The following ABAT variants were observed in gnomAD, a reference collection of about 807,000 sequenced individuals.
ABAT encodes the protein 4-aminobutyrate aminotransferase.
In ABAT, 45 loss-of-function variants were observed where a neutral mutation model predicts 64.6. That is an observed-to-expected ratio of 0.70 (90% CI 0.55 to 0.89). The LOEUF (loss-of-function observed/expected upper bound fraction) is 0.89. Among genes scored for constraint, ABAT ranks in the 40% least tolerant of loss-of-function variants. The pLI is 0.00. For missense variants in ABAT, 633 were observed against 658.4 expected (o/e 0.96, Z 0.42); for synonymous variants, 297 against 250.5 (o/e 1.19, Z -1.75).
At chr16:8,682,515 G>C (rs1293508615) in intron 1 of ABAT, among the ~76,000 whole-genome samples, 2 of 152,072 alleles carry the variant, frequency 1.3e-5, no homozygotes, top group African/African-American at 4.8e-5. Context: ...TGATGCCCCT[G>C]CCCACCAGAA....
At chr16:8,735,145 G>A (rs2058879141) in intron 1 of ABAT, among the ~76,000 whole-genome samples, 1 of 144,224 alleles carries the variant, frequency 6.9e-6, no homozygotes, top group African/African-American at 2.6e-5. Context: ...CTGCACTCCA[G>A]CCTGAGCGAT....
intron 1 of ABAT, among the ~76,000 whole-genome samples, chr16:8,725,355 C>T (rs2058519163): frequency 6.6e-6 from 1 of 152,198 alleles, no homozygotes; most frequent in Admixed American, 6.5e-5. Flanking sequence ...ACCCCCGTAC[C>T]CATTAAGCAG....
intron 5 of ABAT, among the ~76,000 whole-genome samples, chr16:8,754,592 C>G (rs1446302661): frequency 6.6e-6 from 1 of 152,098 alleles, no homozygotes; most frequent in East Asian, 1.9e-4. Context: ...CCATCTTGGT[C>G]CCAACAGATT....
intron 1 of ABAT, among the ~76,000 whole-genome samples, chr16:8,703,697 G>C (rs1483457630): frequency 1.3e-5 from 2 of 152,258 alleles, no homozygotes; most frequent in East Asian, 3.9e-4. Context: ...TTGAAATTGA[G>C]TGAAATGGAT....
chr16:8,734,771 G>C (rs562883175), intron 1 of ABAT, among the ~76,000 whole-genome samples: 1 of 152,152 alleles, frequency 6.6e-6, no homozygotes, highest in South Asian at 2.1e-4. Context: ...AACAAAACAG[G>C]TTTTTAGCAG....
Position 8,733,497 on chromosome 16 carries a change from T to G in ABAT, c.-41-2202T>G, listed in dbSNP as rs571479454. On this transcript the variant is annotated intron_variant, in intron 1 of 15. Coordinates refer to ENST00000268251, the MANE Select transcript of ABAT (RefSeq NM_020686.6). ...AAGGCAGGCGGCTGGGAGGTGGAGG[T>G]TGTAGCAAGCCGAGATCACGCCGCT... is the stretch of plus-strand genomic sequence containing the variant. 5.9e-5 allele frequency among the ~76,000 whole-genome samples: 9 copies of G among 151,538 alleles called. No homozygotes were observed. In the South Asian group the frequency reaches 1.9e-3, roughly 32 times the overall value.
At chr16:8,684,168 A>G (rs2057398595) in intron 1 of ABAT, among the ~76,000 whole-genome samples, 1 of 152,172 alleles carries the variant, frequency 6.6e-6, no homozygotes, top group Non-Finnish European at 1.5e-5. Context: ...TAGGGAAGAA[A>G]TTTCAGGAGG....
chr16:8,687,647 C>T (rs1285487280), intron 1 of ABAT, among the ~76,000 whole-genome samples: 1 of 152,182 alleles, frequency 6.6e-6, no homozygotes, highest in Non-Finnish European at 1.5e-5. Context: ...TCCATCAGGT[C>T]CCACGCGGTG....
At position 8,748,132 on chromosome 16, in the gene ABAT, A is replaced by G; in HGVS notation, c.193A>G (p.Ile65Val). ...SQELMKQLNIIQNAEAVHFFC... is the reference protein window; with the variant it reads ...SQELMKQLNIVQNAEAVHFFC... ...GGAGTTAATGAAACAGCTGAATATA[A>G]TTCAGGTAAGTGAGGAGGAGGTAAC... is the stretch of plus-strand genomic sequence containing the variant. Residue 65 changes from isoleucine (I) to valine (V), a missense_variant, in exon 4 of 16, where the codon ATT becomes GTT. Coordinates refer to ENST00000268251, the MANE Select transcript of ABAT (RefSeq NM_020686.6). 2 of 1,613,644 alleles carry G rather than the reference A, an allele frequency of 1.2e-6. No individual in the cohort carries two copies. The highest frequency in any genetic ancestry group is 4.5e-5 in the East Asian group (2 of 44,812).
intron 1 of ABAT, among the ~76,000 whole-genome samples, chr16:8,725,880 CTCA>C (rs1424429374): frequency 6.6e-6 from 1 of 152,158 alleles, no homozygotes; most frequent in Non-Finnish European, 1.5e-5. Flanking sequence ...CTTCTTACTC[CTCA>C]TCAACTCCCA....
chr16:8,747,899 C>A (rs1296726655), intron 3 of ABAT, among the ~76,000 whole-genome samples: 3 of 151,938 alleles, frequency 2.0e-5, no homozygotes. Context: ...TCCAGCCTGT[C>A]TATCGTACTA....
intron 1 of ABAT, among the ~76,000 whole-genome samples, chr16:8,707,772 G>A (rs1296587419): frequency 6.6e-6 from 1 of 152,130 alleles, no homozygotes; most frequent in Non-Finnish European, 1.5e-5. Flanking sequence ...TGTAGAGACA[G>A]TTTCCCAGGC....
At chr16:8,741,264 C>G (rs1031697454) in intron 2 of ABAT, among the ~76,000 whole-genome samples, 43 of 152,214 alleles carry the variant, frequency 2.8e-4, no homozygotes, top group Admixed American at 2.7e-3. Flanking sequence ...TCTTTGTGAT[C>G]ATGATCAAAA....
chr16:8,753,527 C>G lies in ABAT; in HGVS notation c.316+2988C>G, dbSNP rs185502331. ...TCAGAGGGACCAGCTCCGCTTTCAT[C>G]TCTTCTTCAGAAGCCAGTAAGGCAC... On this transcript the variant is annotated intron_variant, in intron 5 of 15. Coordinates refer to ENST00000268251, the MANE Select transcript of ABAT (RefSeq NM_020686.6). Among the ~76,000 whole-genome samples, 45 of 152,348 alleles carry G rather than the reference C, an allele frequency of 3.0e-4. No homozygotes were observed. In the East Asian group the frequency reaches 7.9e-3, roughly 27 times the overall value.
intron 2 of ABAT, 156 bp downstream of exon 2, chr16:8,735,965 T>A (rs1489373844): frequency 1.2e-5 from 8 of 676,458 alleles, no homozygotes; most frequent in Non-Finnish European, 2.1e-5. Context: ...ATGCTGCTAA[T>A]AAAGGTACAC....
In ABAT at chr16:8,771,535, C is replaced by G. The variant is rs1392566951; in HGVS notation, c.817-1245C>G. 2.1e-5 allele frequency among the ~76,000 whole-genome samples: 3 copies of G among 146,270 alleles called. 1 individual carries two copies. The highest frequency in any genetic ancestry group is 1.4e-4 in the Admixed American group (2 of 14,420). On this transcript the variant is annotated intron_variant, in intron 11 of 15. Transcript: ENST00000268251. Reference sequence around the variant, plus strand: ...AGGCTGGGGTGCAGTGGCACGATATCTCGGCTCATTGCAACTTCTACCTCC... The same window carrying G: ...AGGCTGGGGTGCAGTGGCACGATATGTCGGCTCATTGCAACTTCTACCTCC...
chr16:8,765,169 T>TA (rs1057037695), intron 8 of ABAT, among the ~76,000 whole-genome samples: 5 of 138,580 alleles, frequency 3.6e-5, no homozygotes, highest in East Asian at 4.4e-4. Flanking sequence ...CCATCTCTAC[T>TA]AAAAAAAAAT....
chr16:8,732,910 G>A (rs1313251931), intron 1 of ABAT, among the ~76,000 whole-genome samples: 3 of 149,726 alleles, frequency 2.0e-5, no homozygotes, highest in Non-Finnish European at 4.4e-5. Flanking sequence ...CGGACGGGGC[G>A]GCTGGCCGGG....
intron 1 of ABAT, among the ~76,000 whole-genome samples, chr16:8,694,638 A>G (rs1200695749): frequency 6.6e-6 from 1 of 151,938 alleles, no homozygotes; most frequent in African/African-American, 2.4e-5. Flanking sequence ...TCAACCTCCC[A>G]AAGTGCTGGG....
Sources: allele counts gnomAD v4.1 joint callset (sites outside exome capture counted in the v4.1 genomes callset), GRCh38; gene constraint gnomAD v4.1.1; transcripts MANE v1.5; gene names NCBI Gene and HGNC (gene_info 2026-07-23, HGNC 2026-07-21).